ARHGEF7: variants seen among roughly 807,000 people sequenced by gnomAD.
ARHGEF7 encodes Rho guanine nucleotide exchange factor 7.
Under a neutral mutation model 109.8 loss-of-function variants are expected in ARHGEF7, and 33 were observed. The ratio of observed to expected loss-of-function variants is 0.30; its 90% CI spans 0.23 to 0.40. The LOEUF (loss-of-function observed/expected upper bound fraction) is 0.40, where lower values mean the gene tolerates loss of function less well. Ranked by LOEUF, ARHGEF7 falls within the 10% of genes least tolerant of loss-of-function variation. The pLI is 1.00. For missense variants in ARHGEF7, 938 were observed against 1,098.5 expected, an observed-to-expected ratio of 0.85 and a Z score of 2.07; for synonymous variants, 458 against 424.6, an observed-to-expected ratio of 1.08 and a Z score of -0.97.
At chr13:111,230,633 G>A (rs1218232806) in intron 5 of ARHGEF7, among the ~76,000 whole-genome samples, 2 of 152,130 alleles carry the variant, frequency 1.3e-5, no homozygotes, top group Non-Finnish European at 2.9e-5. Flanking sequence ...CCCCTGCAGG[G>A]TCTCCTGACA....
At chr13:111,214,492 T>C (rs963031759) in intron 4 of ARHGEF7, among the ~76,000 whole-genome samples, 1 of 152,216 alleles carries the variant, frequency 6.6e-6, no homozygotes, top group African/African-American at 2.4e-5. Context: ...TGACGTTGGA[T>C]TACTTACAGG....
chr13:111,221,579 C>CTA (rs199904499), intron 5 of ARHGEF7, among the ~76,000 whole-genome samples: 8 of 61,958 alleles, frequency 1.3e-4, no homozygotes, highest in African/African-American at 4.1e-4. Flanking sequence ...AGATACATAT[C>CTA]TATATATATC....
intron 4 of ARHGEF7, among the ~76,000 whole-genome samples, chr13:111,217,229 A>G (rs909685054): frequency 1.3e-5 from 2 of 152,248 alleles, no homozygotes; most frequent in Non-Finnish European, 2.9e-5. Flanking sequence ...AAAGTACTGT[A>G]TATGGTATCT....
intron 2 of ARHGEF7, among the ~76,000 whole-genome samples, chr13:111,201,607 A>C (rs896025943): frequency 2.6e-5 from 4 of 152,182 alleles, no homozygotes; most frequent in African/African-American, 9.7e-5. Flanking sequence ...TGTTTTGATA[A>C]GTGAGATTTG....
intron 17 of ARHGEF7, 54 bp from the exon 18 acceptor site, chr13:111,288,300 G>GT: frequency 8.0e-7 from 1 of 1,247,078 alleles, no homozygotes; most frequent in East Asian, 2.4e-5. Flanking sequence ...CGTCTCGCCA[G>GT]TTGCCCTAGA....
chr13:111,249,358 C>T (rs1276742256), intron 8 of ARHGEF7, among the ~76,000 whole-genome samples: 1 of 151,984 alleles, frequency 6.6e-6, no homozygotes, highest in African/African-American at 2.4e-5. Flanking sequence ...TACGTAGCTG[C>T]AGTTGAGGAC....
chr13:111,257,171 C>A (rs559613060), intron 8 of ARHGEF7, among the ~76,000 whole-genome samples: 2 of 152,304 alleles, frequency 1.3e-5, no homozygotes, highest in East Asian at 1.9e-4. Context: ...CTTACTATTC[C>A]CTTTGTTTGG....
chr13:111,293,868 C>A, intron 19 of ARHGEF7: 1 of 985,328 alleles, frequency 1.0e-6, no homozygotes, highest in Non-Finnish European at 1.2e-6. Flanking sequence ...GTCCTGGGAG[C>A]CGGGTCCTGC....
At chr13:111,118,799 A>C (rs1304525540) in intron 1 of ARHGEF7, among the ~76,000 whole-genome samples, 1 of 152,186 alleles carries the variant, frequency 6.6e-6, no homozygotes, top group Non-Finnish European at 1.5e-5. Context: ...GCAACAAATG[A>C]AGTCTCTTAA....
chr13:111,228,688 A>G lies in ARHGEF7; in HGVS notation c.671-4517A>G, dbSNP rs143235180. 5.8e-3 allele frequency among the ~76,000 whole-genome samples: 881 copies of G among 152,242 alleles called. 8 individuals carry two copies. Among genetic ancestry groups the G allele is most frequent in the African/African-American group, 0.02 (834 of 41,566 alleles). ...CCTGACAGGAGGGTGCATGTGGTTC[A>G]GGAAAGCGGCAGGCAGACACTGCTG... is the stretch of plus-strand genomic sequence containing the variant. On this transcript the variant is annotated intron_variant, in intron 5 of 21. Transcript: ENST00000646102. The surrounding 1 kb of genome is among the most constrained non-coding windows in gnomAD (Gnocchi z 4.6).
chr13:111,233,406 T>G, intron 6 of ARHGEF7, 113 bp downstream of exon 6: 4 of 817,402 alleles, frequency 4.9e-6, no homozygotes, highest in Non-Finnish European at 8.3e-6. Context: ...ATAAAGTTCA[T>G]TCATCTGCCA....
intron 8 of ARHGEF7, among the ~76,000 whole-genome samples, chr13:111,259,158 C>T (rs1159867975): frequency 6.6e-6 from 1 of 152,210 alleles, no homozygotes; most frequent in African/African-American, 2.4e-5. Context: ...AAGGAGAACT[C>T]ACCGTCCTGA....
intron 2 of ARHGEF7, among the ~76,000 whole-genome samples, chr13:111,183,306 A>G (rs1303045491): frequency 1.3e-5 from 2 of 151,940 alleles, no homozygotes; most frequent in East Asian, 1.9e-4. Flanking sequence ...GCAGACAGCT[A>G]TAGCATTCTA....
At chr13:111,169,845 G>A (rs1313967907) in intron 2 of ARHGEF7, among the ~76,000 whole-genome samples, 1 of 152,148 alleles carries the variant, frequency 6.6e-6, no homozygotes, top group Non-Finnish European at 1.5e-5. Flanking sequence ...CCTGCTCTTA[G>A]GGAGTGTAAT....
intron 8 of ARHGEF7, among the ~76,000 whole-genome samples, chr13:111,260,045 G>T (rs560845240): frequency 2.9e-4 from 44 of 152,200 alleles, no homozygotes; most frequent in Non-Finnish European, 5.7e-4. Flanking sequence ...TTGAAGACAG[G>T]CCATCTAAAA....
chr13:111,154,670 C>T (rs985764400), intron 2 of ARHGEF7, among the ~76,000 whole-genome samples: 1 of 152,196 alleles, frequency 6.6e-6, no homozygotes, highest in Non-Finnish European at 1.5e-5. Context: ...TAAACATTGT[C>T]TTTTCAGTCT....
intron 1 of ARHGEF7, among the ~76,000 whole-genome samples, chr13:111,135,389 G>C (rs2075035927): frequency 1.3e-5 from 2 of 152,144 alleles, no homozygotes; most frequent in South Asian, 2.1e-4. Flanking sequence ...ATTACCTTGG[G>C]CAGTATGGCC....
rs1411822174 is a variant in ARHGEF7, at chr13:111,258,159, A to T, written c.951-9389A>T. ...AGTGCAGCCTGCAGCTCCAGGAGAG[A>T]CTCCTCCCACAACCACAGGCAGTGC... On this transcript the variant is annotated intron_variant, in intron 8 of 21. Transcript: ENST00000646102. The surrounding 1 kb of genome is among the most constrained non-coding windows in gnomAD (Gnocchi z 4.4). Among the ~76,000 whole-genome samples the T allele has an allele frequency of 1.9e-4, 27 of 140,286 alleles. No individual in the cohort carries two copies. The highest frequency in any genetic ancestry group is 4.0e-4 in the Non-Finnish European group (26 of 64,930). The allele number at this position is 140,286 out of a possible 152,430, so 92.0% of individuals were successfully genotyped here. A position where few individuals can be genotyped will look rare whatever the true frequency, so the allele number is the denominator to read the frequency against.
At chr13:111,284,665 A>G (rs892328231) in intron 16 of ARHGEF7, among the ~76,000 whole-genome samples, 2 of 152,262 alleles carry the variant, frequency 1.3e-5, no homozygotes, top group African/African-American at 2.4e-5. Context: ...TGCTTTGCCA[A>G]CTCCACACTG....
Sources: allele counts gnomAD v4.1 joint callset (sites outside exome capture counted in the v4.1 genomes callset), GRCh38; gene constraint gnomAD v4.1.1; non-coding constraint Gnocchi (gnomAD v3.1); transcripts MANE v1.5; gene names NCBI Gene and HGNC (gene_info 2026-07-23, HGNC 2026-07-21).